PIWIL2: variants seen among roughly 807,000 people sequenced by gnomAD.
The protein encoded by PIWIL2 is piwi-like protein 2.
PIWIL2 carries 81 observed loss-of-function variants against 116.5 expected under a neutral mutation model. The observed-to-expected ratio is 0.70, with a 90% CI of 0.58 to 0.84. PIWIL2 has a LOEUF of 0.84. Among genes scored for constraint, PIWIL2 ranks in the 40% least tolerant of loss-of-function variants. The probability of loss-of-function intolerance (pLI) is 0.00; values close to 1 mark genes in which losing one functional copy is unlikely to be tolerated. For synonymous variants in PIWIL2, 489 were observed against 429.5 expected, an observed-to-expected ratio of 1.14 and a Z score of -1.71; for missense variants, 1,272 against 1,212.3, an observed-to-expected ratio of 1.05 and a Z score of -0.73.
chr8:22,343,688 G>A (rs1832161504), intron 20 of PIWIL2, among the ~76,000 whole-genome samples: 1 of 152,210 alleles, frequency 6.6e-6, no homozygotes, highest in Admixed American at 6.5e-5. Flanking sequence ...AAAACAATCA[G>A]ATACCACTAC....
intron 10 of PIWIL2, among the ~76,000 whole-genome samples, chr8:22,293,858 T>A (rs1319543121): frequency 6.6e-6 from 1 of 152,212 alleles, no homozygotes; most frequent in Non-Finnish European, 1.5e-5. Context: ...TTTTGATATT[T>A]GTCAGAATTT....
chr8:22,294,779 G>A (rs1227277651), intron 10 of PIWIL2, among the ~76,000 whole-genome samples: 2 of 149,624 alleles, frequency 1.3e-5, no homozygotes, highest in African/African-American at 2.5e-5. Context: ...ATTTTGTTTT[G>A]GCCAGGCACA....
Position 22,323,114 on chromosome 8 carries a change from G to T in PIWIL2, c.2403+4839G>T, listed in dbSNP as rs9792133. 3.1e-3 allele frequency among the ~76,000 whole-genome samples: 446 copies of T among 145,020 alleles called. 2 individuals carry two copies. The South Asian group carries it at 0.043, about 14-fold the overall frequency. On this transcript the variant is annotated intron_variant, in intron 20 of 22. Transcript: ENST00000356766. ...TTTTCAGTAGAGACGGGGTTTCACT[G>T]TGTGGGCTAGGGCTAGGATAGTCTT...
intron 10 of PIWIL2, among the ~76,000 whole-genome samples, chr8:22,294,899 GGAAAAAAAAAA>G (rs1406891974): frequency 4.4e-4 from 35 of 79,416 alleles, no homozygotes; most frequent in East Asian, 1.8e-3. Context: ...CATCTTTACT[GGAAAAAAAAAA>G]AAAAAAAAAA....
intron 20 of PIWIL2, among the ~76,000 whole-genome samples, chr8:22,319,521 C>G (rs990787983): frequency 6.6e-6 from 1 of 152,162 alleles, no homozygotes; most frequent in Non-Finnish European, 1.5e-5. Context: ...GGGTTGTATC[C>G]TTATTTATGC....
rs75222843 is a variant in PIWIL2, at chr8:22,318,794, C to A, written c.2403+519C>A. Among the ~76,000 whole-genome samples the A allele has an allele frequency of 2.2e-3, 331 of 152,296 alleles. 1 individual carries two copies. The highest frequency in any genetic ancestry group is 6.8e-3 in the Middle Eastern group (2 of 294). ...ATCAGCTTAAAGAGCTAAATGCTTT[C>A]ATTTGGTTTAGTAAGTAATAATTTT... On this transcript the variant is annotated intron_variant, in intron 20 of 22. Transcript: ENST00000356766.
At position 22,337,613 on chromosome 8, in the gene PIWIL2, C is replaced by G. The variant is rs186263211; in HGVS notation, c.2404-15346C>G. 2.6e-5 allele frequency among the ~76,000 whole-genome samples: 4 copies of G among 151,232 alleles called. No homozygotes were observed. In the East Asian group the frequency reaches 7.8e-4, roughly 29 times the overall value. On this transcript the variant is annotated intron_variant, in intron 20 of 22. Coordinates refer to ENST00000356766, the MANE Select transcript of PIWIL2 (RefSeq NM_018068.5). ...GGGCGTGGTGGTGCATGCCTGTAAT[C>G]CGAGGTACTTGGGAGATGAGACAGG...
At chr8:22,310,375 G>T (rs530239571) in intron 15 of PIWIL2, among the ~76,000 whole-genome samples, 1 of 152,030 alleles carries the variant, frequency 6.6e-6, no homozygotes, top group Non-Finnish European at 1.5e-5. Context: ...TTCCCCGGGA[G>T]TATCTAGAGG....
chr8:22,301,058 C>T (rs1261115136), intron 10 of PIWIL2, among the ~76,000 whole-genome samples: 1 of 152,002 alleles, frequency 6.6e-6, no homozygotes, highest in African/African-American at 2.4e-5. Flanking sequence ...CATCTCACTG[C>T]AGCCTTGGCC....
At position 22,355,914 on chromosome 8, in the gene PIWIL2, T is replaced by C. The variant is rs189621230; in HGVS notation, c.*409T>C. ...TGGTGAAACCCCGTCTCTACTAAAA[T>C]ACAAAAAAATTAGCCGGGTGTGGCG... On this transcript the variant is annotated 3_prime_UTR_variant, in exon 23 of 23. Transcript: ENST00000356766. 8.2e-3 allele frequency: 1,455 copies of C among 176,722 alleles called. 31 individuals are homozygous for C. Among genetic ancestry groups the C allele is most frequent in the African/African-American group, 0.031 (1,337 of 42,566 alleles). The allele number at this position is 176,722 out of a possible 1,614,324, so 10.9% of individuals were successfully genotyped here. A position where few individuals can be genotyped will look rare whatever the true frequency, so the allele number is the denominator to read the frequency against.
rs573817184 is a variant in PIWIL2, at chr8:22,301,532, G to T, written c.1182-2489G>T. Among the ~76,000 whole-genome samples the T allele has an allele frequency of 4.2e-3, 642 of 151,974 alleles. 3 individuals carry two copies. The highest frequency in any genetic ancestry group is 6.9e-3 in the Non-Finnish European group (471 of 67,940). On this transcript the variant is annotated intron_variant, in intron 10 of 22. Transcript: ENST00000356766. ...TTGTCTCTAAATCCTGAGCTCAAGT[G>T]ATCCCCCCGCCTCAGCCTCCCAAAG...
intron 10 of PIWIL2, among the ~76,000 whole-genome samples, chr8:22,290,663 A>G (rs1297837593): frequency 1.7e-5 from 2 of 117,820 alleles, no homozygotes; most frequent in African/African-American, 3.3e-5. Flanking sequence ...TATGTTTCCC[A>G]GCCTGCTATG....
At position 22,354,296 on chromosome 8, in the gene PIWIL2, C is replaced by T. The variant is rs146528232; in HGVS notation, c.2683C>T (p.His895Tyr). 11 of 1,612,904 alleles carry T rather than the reference C, an allele frequency of 6.8e-6. No homozygotes were observed. Among genetic ancestry groups the T allele is most frequent in the African/African-American group, 1.3e-5 (1 of 74,892 alleles). Residue 895 changes from histidine to tyrosine, a missense_variant, in exon 22 of 23, where the codon CAT becomes TAT. His to Tyr is a moderately conservative substitution (Grantham distance 83). Transcript: ENST00000356766. ...EWVDFYLLAH[H>Y]VRQGCGIPTH... ...GGTGGATTTCTATCTTCTTGCCCAT[C>T]ATGTACGGCAGGGCTGTGGCATTCC...
chr8:22,307,903 A>G (rs1310208770), intron 13 of PIWIL2, 30 bp from the exon 14 acceptor site: 5 of 1,547,362 alleles, frequency 3.2e-6, no homozygotes, highest in South Asian at 2.3e-5. Context: ...AGTTATCTTT[A>G]TAAGTTATCT....
At chr8:22,339,545 G>A (rs1832059004) in intron 20 of PIWIL2, among the ~76,000 whole-genome samples, 2 of 152,084 alleles carry the variant, frequency 1.3e-5, no homozygotes, top group Non-Finnish European at 2.9e-5. Flanking sequence ...CAACATAGAT[G>A]TAAATCTTTG....
chr8:22,304,235 C>T, intron 11 of PIWIL2, 26 bp downstream of exon 11: 1 of 1,553,124 alleles, frequency 6.4e-7, no homozygotes, highest in South Asian at 1.1e-5. Flanking sequence ...TGGGTTTGGG[C>T]CTCAGGGTGG....
intron 20 of PIWIL2, among the ~76,000 whole-genome samples, chr8:22,333,773 G>C (rs1452125183): frequency 1.3e-5 from 2 of 151,954 alleles, no homozygotes; most frequent in East Asian, 3.9e-4. Context: ...AGGTTTCTTT[G>C]TGAGGTGATG....
chr8:22,351,466 T>C (rs868190831), intron 20 of PIWIL2, among the ~76,000 whole-genome samples: 1 of 96,946 alleles, frequency 1.0e-5, no homozygotes, highest in African/African-American at 5.0e-5. Flanking sequence ...TATATATATA[T>C]ATATATATAT....
chr8:22,313,569 T>A (rs981792696), intron 16 of PIWIL2, among the ~76,000 whole-genome samples: 2 of 152,246 alleles, frequency 1.3e-5, no homozygotes, highest in East Asian at 3.8e-4. Flanking sequence ...TTGGTGTCGT[T>A]GCTCAATGTG....
Sources: gnomAD v4.1 joint callset for allele counts (sites outside exome capture counted in the v4.1 genomes callset) on GRCh38, gnomAD v4.1.1 for gene constraint, MANE v1.5 for transcripts, NCBI Gene and HGNC (gene_info 2026-07-23, HGNC 2026-07-21) for gene names.